Variants in RBFOX3 observed in about 807,000 individuals in gnomAD.
RBFOX3 encodes RNA binding protein fox-1 homolog 3.
Under a neutral mutation model 48.7 loss-of-function variants are expected in RBFOX3, and 17 were observed. The observed-to-expected ratio is 0.35, with a 90% CI of 0.24 to 0.52. The LOEUF is 0.52. Among genes scored for constraint, RBFOX3 ranks in the 20% least tolerant of loss-of-function variants. The probability of loss-of-function intolerance (pLI) is 0.94; values close to 1 mark genes in which losing one functional copy is unlikely to be tolerated. For missense variants in RBFOX3, 382 were observed against 497.5 expected, an observed-to-expected ratio of 0.77 and a Z score of 2.21; for synonymous variants, 212 against 209.5, an observed-to-expected ratio of 1.01 and a Z score of -0.10.
Position 79,192,315 on chromosome 17 carries a change from G to A in RBFOX3, c.-34+43451C>T, listed in dbSNP as rs573889183. Among the ~76,000 whole-genome samples, 7 of 152,252 alleles carry A rather than the reference G, an allele frequency of 4.6e-5. No individual in the cohort carries two copies. The South Asian group carries it at 1.5e-3, about 32-fold the overall frequency. On this transcript the variant is annotated intron_variant, in intron 4 of 14. Transcript: ENST00000693108. The stretch of plus-strand genomic sequence containing the variant: ...CACTGAGAGTTGCTGCATCAGGATG[G>A]GGGGGAGCCGTCTGTTCCTGCTCTT...
At position 79,477,174 on chromosome 17, in the gene RBFOX3, A is replaced by G. The variant is rs2077934731; in HGVS notation, c.-175+5280T>C. Reference sequence around the variant, plus strand: ...CTTAAACCCAGGAGGTAGAGGTTGCAGTGAGCTGAGATCGCGCCACTGCAC... The same window carrying G: ...CTTAAACCCAGGAGGTAGAGGTTGCGGTGAGCTGAGATCGCGCCACTGCAC... On this transcript the variant is annotated intron_variant, in intron 2 of 14. Transcript: ENST00000693108. The surrounding 1 kb of genome is among the most constrained non-coding windows in gnomAD (Gnocchi z 4.8). 2.7e-5 allele frequency among the ~76,000 whole-genome samples: 4 copies of G among 150,756 alleles called. No homozygotes were observed. The highest frequency in any genetic ancestry group is 7.3e-5 in the African/African-American group (3 of 41,036).
intron 2 of RBFOX3, among the ~76,000 whole-genome samples, chr17:79,327,041 T>G (rs1230670793): frequency 6.6e-6 from 1 of 152,212 alleles, no homozygotes; most frequent in Non-Finnish European, 1.5e-5. Flanking sequence ...CAGTCAGGCC[T>G]GTCTGACCTC....
chr17:79,380,221 C>G (rs2059735089), intron 2 of RBFOX3, among the ~76,000 whole-genome samples: 1 of 152,136 alleles, frequency 6.6e-6, no homozygotes, highest in South Asian at 2.1e-4. Context: ...GCTGCCAAGC[C>G]CATCTCCAGC....
intron 4 of RBFOX3, among the ~76,000 whole-genome samples, chr17:79,150,078 G>A (rs1356711727): frequency 6.9e-6 from 1 of 144,950 alleles, no homozygotes; most frequent in Non-Finnish European, 1.5e-5. Context: ...GGGGGTTTGG[G>A]GTGGATCTAG....
chr17:79,284,241 C>A (rs2071314635), intron 3 of RBFOX3, among the ~76,000 whole-genome samples: 1 of 152,204 alleles, frequency 6.6e-6, no homozygotes, highest in African/African-American at 2.4e-5. Flanking sequence ...AGTGGACAGT[C>A]CGTTTCCAAT....
chr17:79,529,371 G>A (rs906646582), intron 1 of RBFOX3, among the ~76,000 whole-genome samples: 235 of 152,352 alleles, frequency 1.5e-3, no homozygotes, highest in African/African-American at 5.5e-3. Flanking sequence ...AGGAAGGAAA[G>A]CATTTAGGGA....
intron 2 of RBFOX3, among the ~76,000 whole-genome samples, chr17:79,454,057 C>G (rs2074041413): frequency 6.6e-6 from 1 of 152,104 alleles, no homozygotes; most frequent in African/African-American, 2.4e-5. Flanking sequence ...CAAGGGGTTG[C>G]ACAGGAGGGC....
chr17:79,246,641 T>C (rs959710498), intron 3 of RBFOX3, among the ~76,000 whole-genome samples: 2 of 152,232 alleles, frequency 1.3e-5, no homozygotes, highest in African/African-American at 4.8e-5. Context: ...AGCCTGCCTA[T>C]GTTCACAGGC....
intron 4 of RBFOX3, among the ~76,000 whole-genome samples, chr17:79,211,382 G>A (rs1376028803): frequency 1.3e-5 from 2 of 152,218 alleles, no homozygotes; most frequent in South Asian, 2.1e-4. Flanking sequence ...TTCCAGATCC[G>A]AGCTGCTGAC....
chr17:79,502,389 C>CAG (rs561054037), intron 1 of RBFOX3, among the ~76,000 whole-genome samples: 49,694 of 102,858 alleles, frequency 0.48, 9,658 homozygotes, highest in African/African-American at 0.59. Flanking sequence ...TTAATGGAGA[C>CAG]AGTTTCCATG....
chr17:79,655,608 C>T, the RBFOX3 span, among the ~76,000 whole-genome samples: 1 of 152,212 alleles, frequency 6.6e-6, no homozygotes, highest in African/African-American at 2.4e-5. Context: ...CTGACCCTGA[C>T]AGGGACTGGC....
At chr17:79,236,538 A>C (rs1255837439) in intron 3 of RBFOX3, among the ~76,000 whole-genome samples, 6 of 152,110 alleles carry the variant, frequency 3.9e-5, no homozygotes, top group Non-Finnish European at 8.8e-5. Flanking sequence ...CAATCCACCC[A>C]CCTTGCCCTG....
chr17:79,426,458 C>T lies in RBFOX3; in HGVS notation c.-175+55996G>A, dbSNP rs570464065. Reference sequence around the variant, plus strand: ...GACAACGGCAGGCAGGCCGGGAGCACTCGCGACACAGTGTTCTGTGGTTCC... The same window carrying T: ...GACAACGGCAGGCAGGCCGGGAGCATTCGCGACACAGTGTTCTGTGGTTCC... On this transcript the variant is annotated intron_variant, in intron 2 of 14. Coordinates refer to ENST00000693108, the MANE Select transcript of RBFOX3 (RefSeq NM_001350451.2). Among the ~76,000 whole-genome samples, 10 of 152,324 alleles carry T rather than the reference C, an allele frequency of 6.6e-5. No individual in the cohort carries two copies. The East Asian group carries it at 1.5e-3, about 24-fold the overall frequency.
Position 79,569,574 on chromosome 17 carries a change from T to A in RBFOX3, c.-320+41252A>T, listed in dbSNP as rs1051415929. 3.0e-4 allele frequency among the ~76,000 whole-genome samples: 46 copies of A among 152,358 alleles called. No individual in the cohort carries two copies. In the South Asian group the frequency reaches 9.3e-3, roughly 31 times the overall value. On this transcript the variant is annotated intron_variant, in intron 1 of 14. Transcript: ENST00000693108. The stretch of plus-strand genomic sequence containing the variant: ...TATCTGTGTCCTTGTTTTCAATTCC[T>A]TTGGGTATATGTCAGTAGATTTCTT...
intron 4 of RBFOX3, among the ~76,000 whole-genome samples, chr17:79,130,605 C>T (rs764814827): frequency 2.6e-5 from 4 of 152,254 alleles, no homozygotes; most frequent in African/African-American, 7.2e-5. Context: ...TGAGGGCAGG[C>T]GGTCCAGCAG....
At chr17:79,277,308 G>GC (rs1600371156) in intron 3 of RBFOX3, among the ~76,000 whole-genome samples, 1 of 148,252 alleles carries the variant, frequency 6.7e-6, no homozygotes, top group Non-Finnish European at 1.5e-5. Context: ...TGGGGAGGGG[G>GC]GGGGTAGTGC....
At chr17:79,181,962 A>AACACACACACACAC (rs56842759) in intron 4 of RBFOX3, among the ~76,000 whole-genome samples, 1 of 148,298 alleles carries the variant, frequency 6.7e-6, no homozygotes, top group Non-Finnish European at 1.5e-5. Context: ...GTCTCCAAGA[A>AACACACACACACAC]ACACACACAC....
In RBFOX3 at chr17:79,355,651, G is replaced by A. The variant is rs937457521; in HGVS notation, c.-174-47827C>T. Among the ~76,000 whole-genome samples the A allele has an allele frequency of 8.6e-5, 13 of 151,944 alleles. 1 individual carries two copies. The highest frequency in any genetic ancestry group is 3.1e-4 in the African/African-American group (13 of 41,362). On this transcript the variant is annotated intron_variant, in intron 2 of 14. Transcript: ENST00000693108. ...GCTGGAGTACAGTGGTTTGATCTCA[G>A]CTCACTGCAACCTCCACCTCCCAGG...
intron 1 of RBFOX3, among the ~76,000 whole-genome samples, chr17:79,572,181 G>T (rs1313300175): frequency 6.6e-6 from 1 of 152,130 alleles, no homozygotes; most frequent in African/African-American, 2.4e-5. Flanking sequence ...AGGTCCCCCT[G>T]CAGCCTGACA....
Sources: gnomAD v4.1 joint callset for allele counts (sites outside exome capture counted in the v4.1 genomes callset) on GRCh38, gnomAD v4.1.1 for gene constraint, Gnocchi (gnomAD v3.1) non-coding constraint, MANE v1.5 for transcripts, NCBI Gene and HGNC (gene_info 2026-07-23, HGNC 2026-07-21) for gene names.